BMAL1: variants seen among roughly 807,000 people sequenced by gnomAD.
BMAL1 encodes the protein basic helix-loop-helix ARNT-like protein 1.
the BMAL1 span, among the ~76,000 whole-genome samples, chr11:13,324,618 ATGTT>A: frequency 2.6e-5 from 4 of 152,246 alleles, no homozygotes; most frequent in South Asian, 8.3e-4. Context: ...TTTATATGAT[ATGTT>A]TGTTTGTCTT....
At chr11:13,344,054 ACCTTT>A in the BMAL1 span, among the ~76,000 whole-genome samples, 1 of 152,030 alleles carries the variant, frequency 6.6e-6, no homozygotes, top group Non-Finnish European at 1.5e-5. Flanking sequence ...GACAACCAGC[ACCTTT>A]GAGACTGAAG....
chr11:13,328,112 T>C, the BMAL1 span, among the ~76,000 whole-genome samples: 12 of 152,196 alleles, frequency 7.9e-5, no homozygotes, highest in Non-Finnish European at 1.3e-4. Flanking sequence ...TGATGAGATG[T>C]ACCTGCTGAT....
the BMAL1 span, among the ~76,000 whole-genome samples, chr11:13,317,755 T>C: frequency 6.6e-6 from 1 of 152,236 alleles, no homozygotes; most frequent in Admixed American, 6.5e-5. Context: ...TTGACTGTTT[T>C]GTTTTTTATC....
chr11:13,285,432 C>T, the BMAL1 span, among the ~76,000 whole-genome samples: 5 of 152,154 alleles, frequency 3.3e-5, no homozygotes, highest in South Asian at 1.0e-3. Context: ...GTGAGAAGTG[C>T]TAGGAGTGCT....
chr11:13,369,890 C>A, the BMAL1 span: 1 of 1,253,292 alleles, frequency 8.0e-7, no homozygotes, highest in Non-Finnish European at 1.1e-6. Flanking sequence ...CCCAGGACTG[C>A]AGACAGGACC....
At chr11:13,363,466 C>T in the BMAL1 span, among the ~76,000 whole-genome samples, 2 of 152,106 alleles carry the variant, frequency 1.3e-5, no homozygotes, top group Non-Finnish European at 1.5e-5. Flanking sequence ...CTGTGAAATA[C>T]TGTCCAGTCC....
chr11:13,342,804 G>A, the BMAL1 span, among the ~76,000 whole-genome samples: 1 of 152,124 alleles, frequency 6.6e-6, no homozygotes, highest in Non-Finnish European at 1.5e-5. Flanking sequence ...AAGGAGTATG[G>A]GCTTTAGATG....
the BMAL1 span, chr11:13,386,862 C>G: frequency 8.9e-6 from 12 of 1,343,956 alleles, no homozygotes; most frequent in Non-Finnish European, 1.2e-5. Context: ...CTTTTATGTA[C>G]TGACTTCATA....
the BMAL1 span, among the ~76,000 whole-genome samples, chr11:13,306,472 G>A: frequency 6.6e-6 from 1 of 152,228 alleles, no homozygotes; most frequent in Non-Finnish European, 1.5e-5. Flanking sequence ...GACAGAGGGA[G>A]GGGTCTAAGC....
At chr11:13,284,120 GTGTGTGTGTA>G in the BMAL1 span, among the ~76,000 whole-genome samples, 8 of 72,898 alleles carry the variant, frequency 1.1e-4, 2 homozygotes, top group Admixed American at 2.9e-4. Flanking sequence ...GTATATATAT[GTGTGTGTGTA>G]TATATATATA....
chr11:13,322,317 A>G, the BMAL1 span, among the ~76,000 whole-genome samples: 1 of 152,152 alleles, frequency 6.6e-6, no homozygotes, highest in Admixed American at 6.5e-5. Context: ...AATGTTCATT[A>G]TACCTCGCAA....
chr11:13,284,104 GTGTGTGTATATATA>G, the BMAL1 span, among the ~76,000 whole-genome samples: 2,374 of 90,084 alleles, frequency 0.026, 105 homozygotes, highest in Non-Finnish European at 0.034. Context: ...GTGTGTGTGT[GTGTGTGTATATATA>G]TGTGTGTGTG....
chr11:13,386,782 CT>C, the BMAL1 span: 3 of 1,608,970 alleles, frequency 1.9e-6, no homozygotes, highest in Non-Finnish European at 2.6e-6. Context: ...TTGGCAACAG[CT>C]ATAGTATCAA....
At chr11:13,284,258 ATATATATATTTTTT>A in the BMAL1 span, among the ~76,000 whole-genome samples, 1 of 24,352 alleles carries the variant, frequency 4.1e-5, no homozygotes, top group African/African-American at 1.9e-4. Context: ...ATATATATAT[ATATATATATTTTTT>A]TTTTTAATGC....
At chr11:13,312,481 G>A in the BMAL1 span, among the ~76,000 whole-genome samples, 1 of 152,194 alleles carries the variant, frequency 6.6e-6, no homozygotes, top group African/African-American at 2.4e-5. Context: ...AGTGTGGGAA[G>A]TCTGGAAGAG....
At chr11:13,356,089 G>A in the BMAL1 span, among the ~76,000 whole-genome samples, 1 of 152,150 alleles carries the variant, frequency 6.6e-6, no homozygotes, top group Admixed American at 6.5e-5. Flanking sequence ...GTCTGTGAAA[G>A]GGAGGGAGAT....
At chr11:13,385,132 G>A in the BMAL1 span, among the ~76,000 whole-genome samples, 79 of 152,118 alleles carry the variant, frequency 5.2e-4, 1 homozygote, top group Non-Finnish European at 1.1e-3. Flanking sequence ...GTGAGTGGGG[G>A]AGATTTTGAG....
At chr11:13,369,871 G>C in the BMAL1 span, 1 of 1,439,212 alleles carries the variant, frequency 6.9e-7, no homozygotes, top group Non-Finnish European at 9.4e-7. Context: ...GCTGGCCAGA[G>C]TGGCAGGTCC....
At chr11:13,325,505 T>G in the BMAL1 span, among the ~76,000 whole-genome samples, 1 of 152,080 alleles carries the variant, frequency 6.6e-6, no homozygotes, top group Non-Finnish European at 1.5e-5. Flanking sequence ...CCAGGTGGGG[T>G]TTACAGATAA....
Sources: allele counts gnomAD v4.1 joint callset (sites outside exome capture counted in the v4.1 genomes callset), GRCh38; gene constraint gnomAD v4.1.1; transcripts MANE v1.5; gene names NCBI Gene and HGNC (gene_info 2026-07-23, HGNC 2026-07-21).